Variants in SLMAP observed in about 807,000 individuals in gnomAD.
The protein encoded by SLMAP is sarcolemmal membrane-associated protein.
A neutral mutation model predicts 128.8 loss-of-function variants in SLMAP; 44 were observed. The ratio of observed to expected loss-of-function variants is 0.34; its 90% confidence interval spans 0.27 to 0.44. The LOEUF (loss-of-function observed/expected upper bound fraction) is 0.44, where lower values mean the gene tolerates loss of function less well. Ranked by LOEUF, SLMAP falls within the 20% of genes least tolerant of loss-of-function variation. The pLI is 1.00. For synonymous variants in SLMAP, 327 were observed against 348.8 expected, an observed-to-expected ratio of 0.94 and a Z score of 0.70; for missense variants, 787 against 985.3, an observed-to-expected ratio of 0.80 and a Z score of 2.69.
At chr3:57,896,634 G>A (rs376057951) in intron 16 of SLMAP, 43 bp downstream of exon 16, 9 of 1,470,202 alleles carry the variant, frequency 6.1e-6, no homozygotes, top group Non-Finnish European at 8.4e-6. Flanking sequence ...GCTGTTAATG[G>A]CAGTTTAGTT....
intron 17 of SLMAP, among the ~76,000 whole-genome samples, chr3:57,906,675 ATATAT>A (rs200298476): frequency 0.052 from 6,429 of 122,548 alleles, 210 homozygotes; most frequent in South Asian, 0.11. Context: ...TGAAAAAAAA[ATATAT>A]ATATATATAT....
At chr3:57,761,734 C>T (rs2078679066) in intron 2 of SLMAP, among the ~76,000 whole-genome samples, 1 of 151,946 alleles carries the variant, frequency 6.6e-6, no homozygotes. Context: ...CTGCATTGTC[C>T]ATTATGGGAG....
intron 2 of SLMAP, among the ~76,000 whole-genome samples, chr3:57,764,965 T>C (rs1056363071): frequency 1.8e-4 from 28 of 152,332 alleles, no homozygotes; most frequent in African/African-American, 6.3e-4. Context: ...AAGCGCAAGG[T>C]CCTGTGTGAA....
chr3:57,757,373 C>G lies in SLMAP; in HGVS notation c.-279C>G. 2 of 500,514 alleles carry G rather than the reference C, an allele frequency of 4.0e-6. No individual in the cohort carries two copies. Among genetic ancestry groups the G allele is most frequent in the Non-Finnish European group, 7.2e-6 (2 of 276,076 alleles). The allele number at this position is 500,514 out of a possible 1,614,324, so 31.0% of individuals were successfully genotyped here. ...GGCCGAAGCTGCCCGATGTTTGAGC[C>G]TTTTCTTCCCAGAGAAGAAGATGGA... On this transcript the variant is annotated 5_prime_UTR_variant, in exon 2 of 25. Transcript: ENST00000671191.
intron 15 of SLMAP, among the ~76,000 whole-genome samples, chr3:57,892,614 GACACA>G (rs1483315898): frequency 6.6e-6 from 1 of 151,988 alleles, no homozygotes; most frequent in Non-Finnish European, 1.5e-5. Flanking sequence ...ATAGTATCAG[GACACA>G]ACATTGAGGA....
chr3:57,899,937 A>C (rs969063252), intron 17 of SLMAP: 1 of 152,180 alleles, frequency 6.6e-6, no homozygotes, highest in African/African-American at 2.4e-5. Flanking sequence ...GAGTTTTACA[A>C]ATTCTTAAAA....
At chr3:57,829,672 T>C (rs1176109138) in intron 2 of SLMAP, among the ~76,000 whole-genome samples, 1 of 152,230 alleles carries the variant, frequency 6.6e-6, no homozygotes, top group East Asian at 1.9e-4. Context: ...AAACTGCTAA[T>C]CAAAGTAACA....
chr3:57,858,014 T>C, intron 7 of SLMAP, 74 bp from the exon 8 acceptor site: 2 of 1,059,000 alleles, frequency 1.9e-6, no homozygotes, highest in Non-Finnish European at 2.9e-6. Flanking sequence ...TTGTTGTCAG[T>C]AGCAACCTTT....
intron 2 of SLMAP, among the ~76,000 whole-genome samples, chr3:57,796,685 G>A (rs2153483783): frequency 6.6e-6 from 1 of 152,310 alleles, no homozygotes; most frequent in East Asian, 1.9e-4. Context: ...ACATAAAGAT[G>A]TGTGTATAAC....
intron 2 of SLMAP, chr3:57,799,983 G>A (rs2087810930): frequency 6.6e-6 from 1 of 152,136 alleles, no homozygotes; most frequent in African/African-American, 2.4e-5. Context: ...GTTACAGTGA[G>A]CTGTGATTGC....
At chr3:57,822,278 A>C (rs1013431988) in intron 2 of SLMAP, among the ~76,000 whole-genome samples, 3 of 152,180 alleles carry the variant, frequency 2.0e-5, no homozygotes, top group African/African-American at 7.2e-5. Context: ...GAGAGTGTTT[A>C]AGTAGGGAAG....
intron 14 of SLMAP, among the ~76,000 whole-genome samples, chr3:57,877,963 T>C (rs976588325): frequency 9.2e-5 from 14 of 151,414 alleles, no homozygotes; most frequent in African/African-American, 3.4e-4. Context: ...GCCTCCCAAG[T>C]AGCTAGGATT....
chr3:57,927,430 T>C lies in SLMAP; in HGVS notation c.*141T>C. On this transcript the variant is annotated 3_prime_UTR_variant, in exon 25 of 25. Transcript: ENST00000671191. ...CGTACACCGTCCTCCCTCTAGAAGCTGGCATCACACTCATGCTGGGGACAA... is the reference window on the plus strand; with the variant it reads ...CGTACACCGTCCTCCCTCTAGAAGCCGGCATCACACTCATGCTGGGGACAA... The C allele has an allele frequency of 7.9e-7, 1 of 1,262,618 alleles. No homozygotes were observed. Among genetic ancestry groups the C allele is most frequent in the Non-Finnish European group, 1.1e-6 (1 of 886,136 alleles). The allele number at this position is 1,262,618 out of a possible 1,614,324, so 78.2% of individuals were successfully genotyped here.
At chr3:57,853,761 A>G (rs1280744942) in intron 6 of SLMAP, among the ~76,000 whole-genome samples, 3 of 150,628 alleles carry the variant, frequency 2.0e-5, no homozygotes, top group Non-Finnish European at 3.0e-5. Flanking sequence ...ACCGACATGG[A>G]GAAACCCCCG....
At chr3:57,808,265 T>C (rs2090289818) in intron 2 of SLMAP, among the ~76,000 whole-genome samples, 1 of 152,186 alleles carries the variant, frequency 6.6e-6, no homozygotes, top group Admixed American at 6.5e-5. Flanking sequence ...CCTTTAGTTC[T>C]GCTCTCATCT....
At chr3:57,821,912 TTCCTCCTCCTCC>T (rs112836711) in intron 2 of SLMAP, among the ~76,000 whole-genome samples, 5 of 148,656 alleles carry the variant, frequency 3.4e-5, no homozygotes, top group Non-Finnish European at 7.5e-5. Flanking sequence ...GCAATACCTG[TTCCTCCTCCTCC>T]TCCTCCTCCT....
In SLMAP at chr3:57,849,739, G is replaced by A. The variant is rs747711840; in HGVS notation, c.457-15G>A. Reference sequence around the variant, plus strand: ...ATGAAGTGTTTTCTGTTGATACTGTGTCATTTGTTTCTAGGTTGCTGCTAA... The same window carrying A: ...ATGAAGTGTTTTCTGTTGATACTGTATCATTTGTTTCTAGGTTGCTGCTAA... On this transcript the variant is annotated splice_polypyrimidine_tract_variant and intron_variant, in intron 5 of 24. Transcript: ENST00000671191. 6 of 1,469,218 alleles carry A rather than the reference G, an allele frequency of 4.1e-6. No individual in the cohort carries two copies. The African/African-American group carries it at 4.2e-5, about 10-fold the overall frequency. The allele number at this position is 1,469,218 out of a possible 1,614,324, so 91.0% of individuals were successfully genotyped here.
chr3:57,866,669 G>A (rs1241495358), intron 13 of SLMAP, among the ~76,000 whole-genome samples: 1 of 152,196 alleles, frequency 6.6e-6, no homozygotes, highest in Non-Finnish European at 1.5e-5. Context: ...GATCGCTTGA[G>A]CTCAGGAGTT....
chr3:57,809,995 G>T (rs1025534947), intron 2 of SLMAP, among the ~76,000 whole-genome samples: 1 of 152,186 alleles, frequency 6.6e-6, no homozygotes. Context: ...TTGCCATACT[G>T]CAGATAAAGA....
Sources: gnomAD v4.1 joint callset for allele counts (sites outside exome capture counted in the v4.1 genomes callset) on GRCh38, gnomAD v4.1.1 for gene constraint, MANE v1.5 for transcripts, NCBI Gene and HGNC (gene_info 2026-07-23, HGNC 2026-07-21) for gene names.